The following MIA3 variants were observed in gnomAD, a reference collection of about 807,000 sequenced individuals.
The protein encoded by MIA3 is transport and Golgi organization protein 1 homolog.
Under a neutral mutation model 192.4 loss-of-function variants are expected in MIA3, and 90 were observed. That is an observed-to-expected ratio of 0.47 (90% CI 0.39 to 0.56). The LOEUF is 0.56. Among genes scored for constraint, MIA3 ranks in the 20% least tolerant of loss-of-function variants. The pLI is 0.00. For missense variants in MIA3, 2,123 were observed against 2,269.4 expected (o/e 0.94, Z 1.31); for synonymous variants, 740 against 792.8 (o/e 0.93, Z 1.12).
rs552023802 is a variant in MIA3 at position 222,630,158 on chromosome 1, C to T, written c.2938C>T (p.Arg980Cys). 2.1e-5 allele frequency: 34 copies of T among 1,614,158 alleles called. No individual in the cohort carries two copies. In the East Asian group the frequency reaches 3.6e-4, roughly 17 times the overall value. ...GGAAAAAGTCCTAGATAAGGTCTTC[C>T]GTGCTTCTGAGTCACAAATTCTGAG... is the stretch of plus-strand genomic sequence containing the variant. ...NMEKVLDKVF[R>C]ASESQILSIA... Residue 980 changes from arginine to cysteine, a missense_variant, in exon 4 of 28, where the codon CGT becomes TGT. Transcript: ENST00000344922.
At chr1:222,626,397 T>TA (rs1662121071) in intron 3 of MIA3, among the ~76,000 whole-genome samples, 1 of 152,118 alleles carries the variant, frequency 6.6e-6, no homozygotes, top group Non-Finnish European at 1.5e-5. Flanking sequence ...CCCTTAATAT[T>TA]AAAAAAATTG....
intron 7 of MIA3, 103 bp downstream of exon 7, chr1:222,645,788 G>A (rs1663110346): frequency 3.9e-6 from 4 of 1,014,390 alleles, no homozygotes; most frequent in Non-Finnish European, 5.7e-6. Flanking sequence ...AGAAATTAAT[G>A]CTTTTAATTC....
chr1:222,659,749 G>A lies in MIA3; in HGVS notation c.4822G>A (p.Ala1608Thr). ...AHENWLKARA[A>T]ERAIAEEKRE... ...TCTTCAATAGCTCAAAGCTCGTGCT[G>A]CAGAAAGAGCTATAGCTGAAGAGAA... The change falls in exon 22 of 28, where the codon GCA becomes ACA. Residue 1608 changes from alanine (A) to threonine (T), a missense_variant. This residue lies in a region of MIA3 where 762 missense variants were observed against 856.4 expected (regional missense o/e 0.89). Transcript: ENST00000344922. 2 of 1,614,090 alleles carry A rather than the reference G, an allele frequency of 1.2e-6. No individual in the cohort carries two copies. Among genetic ancestry groups the A allele is most frequent in the Non-Finnish European group, 1.7e-6 (2 of 1,179,986 alleles).
At position 222,649,113 on chromosome 1, in the gene MIA3, A is replaced by T. The variant is rs577699428; in HGVS notation, c.3631+263A>T. ...GCAGATTGACCTTAAATGTTGATGT[A>T]GTACCAATTTATTACATGTGACCAG... On this transcript the variant is annotated intron_variant, in intron 8 of 27. Coordinates refer to ENST00000344922, the MANE Select transcript of MIA3 (RefSeq NM_198551.4). 230 of 306,736 alleles carry T rather than the reference A, an allele frequency of 7.5e-4. 1 individual carries two copies. Among genetic ancestry groups the T allele is most frequent in the Middle Eastern group, 6.2e-3 (7 of 1,132 alleles). 19.0% of individuals were successfully genotyped at this position (306,736 alleles called of 1,614,324 possible). A position where few individuals can be genotyped will look rare whatever the true frequency, so the allele number is the denominator to read the frequency against.
rs746032142 is a variant in MIA3 at position 222,618,100 on chromosome 1, G to A, written c.-11G>A. 1.1e-5 allele frequency: 16 copies of A among 1,454,404 alleles called. No homozygotes were observed. Among genetic ancestry groups the A allele is most frequent in the South Asian group, 1.3e-5 (1 of 77,184 alleles). 90.1% of individuals were successfully genotyped at this position (1,454,404 alleles called of 1,614,324 possible). A position where few individuals can be genotyped will look rare whatever the true frequency, so the allele number is the denominator to read the frequency against. On this transcript the variant is annotated 5_prime_UTR_variant, in exon 1 of 28. The change creates a new upstream start codon in the 5' untranslated region. Coordinates refer to ENST00000344922, the MANE Select transcript of MIA3 (RefSeq NM_198551.4). ...TCCTCCGCGTCACCGGCTCCCCGAG[G>A]TGACCACAACATGGCTGCGGCGCCT... is the stretch of plus-strand genomic sequence containing the variant.
chr1:222,630,028 G>A lies in MIA3; in HGVS notation c.2808G>A (p.Leu936=). 6.2e-7 allele frequency: 1 copy of A among 1,614,146 alleles called. No individual in the cohort carries two copies. The highest frequency in any genetic ancestry group is 2.2e-5 in the East Asian group (1 of 44,888). Residue 936 remains leucine, a synonymous_variant, in exon 4 of 28, where the codon TTG becomes TTA. Coordinates refer to ENST00000344922, the MANE Select transcript of MIA3 (RefSeq NM_198551.4). The part of the protein sequence containing the change: ...ISSFFKEQQS[L]QRFQKYFNVH... ...GCTTCTTTAAAGAACAACAGTCTTT[G>A]CAGCGGTTCCAGAAGTACTTTAATG...
rs1664340878 is a variant in MIA3, at chr1:222,667,470, A to G, written c.*1851A>G. ...ATGCCATCTAGGAAGGTAAGTAGGA[A>G]AGGTAAATTAAATCTATTTTTAAAA... On this transcript the variant is annotated 3_prime_UTR_variant, in exon 28 of 28. Coordinates refer to ENST00000344922, the MANE Select transcript of MIA3 (RefSeq NM_198551.4). The G allele has an allele frequency of 2.6e-5, 4 of 152,212 alleles. No homozygotes were observed. In the South Asian group the frequency reaches 6.2e-4, roughly 24 times the overall value. The allele number at this position is 152,212 out of a possible 1,614,324, so 9.4% of individuals were successfully genotyped here. A position where few individuals can be genotyped will look rare whatever the true frequency, so the allele number is the denominator to read the frequency against.
intron 15 of MIA3, among the ~76,000 whole-genome samples, chr1:222,654,032 C>T (rs1663576276): frequency 6.6e-6 from 1 of 152,188 alleles, no homozygotes; most frequent in Non-Finnish European, 1.5e-5. Context: ...TCAATAATGG[C>T]ATGTATAACA....
Position 222,624,787 on chromosome 1 carries a change from A to AT in MIA3, c.291dup (p.Pro98SerfsTer10). The AT allele has an allele frequency of 6.3e-7, 1 of 1,586,934 alleles. No individual in the cohort carries two copies. Among genetic ancestry groups the AT allele is most frequent in the Non-Finnish European group, 8.6e-7 (1 of 1,156,410 alleles). ...GTGTAGGTTGGACGCACTTTTGGAT[A>AT]TTTTCCAAAAGATTTAATCCAGGTA... On this transcript the variant is annotated frameshift_variant, in exon 3 of 28. Transcript: ENST00000344922. LOFTEE classifies it high-confidence loss of function.
At chr1:222,644,283 C>A in intron 6 of MIA3, 1 of 1,396,666 alleles carries the variant, frequency 7.2e-7, no homozygotes. Context: ...CCTTGAGGTG[C>A]GCCAGGGGCA....
In MIA3 at chr1:222,627,986, A is replaced by C. The variant is rs761891445; in HGVS notation, c.766A>C (p.Asn256His). Reference sequence around the variant, plus strand: ...AACCAGCAATAGTTCTCAGGTCTCAAATGAACAGGATAAGATTGATGCCTA... The same window carrying C: ...AACCAGCAATAGTTCTCAGGTCTCACATGAACAGGATAAGATTGATGCCTA... ...NKTSNSSQVS[N>H]EQDKIDAYKL... The change falls in exon 4 of 28, where the codon AAT (asparagine) becomes CAT (histidine). Residue 256 changes from asparagine (N) to histidine (H), a missense_variant. Asn to His is a moderately conservative substitution (Grantham distance 68). This residue lies in a region of MIA3 where 1,357 missense variants were observed against 1,396.1 expected (regional missense o/e 0.97). Transcript: ENST00000344922. 1 of 1,614,032 alleles carries C rather than the reference A, an allele frequency of 6.2e-7. No homozygotes were observed. The highest frequency in any genetic ancestry group is 8.5e-7 in the Non-Finnish European group (1 of 1,180,034).
chr1:222,635,234 G>A (rs1482559769), intron 6 of MIA3, among the ~76,000 whole-genome samples: 6 of 152,216 alleles, frequency 3.9e-5, no homozygotes, highest in Admixed American at 2.0e-4. Flanking sequence ...TTGGTTTTCA[G>A]AGTGAAATTA....
rs1157987162 is a variant in MIA3, at chr1:222,650,372, G to A, written c.3712G>A (p.Glu1238Lys). ...TELVQKLSNY[E>K]QKIKESKKHV... ...ACTTGTACAAAAATTGTCAAATTAT[G>A]AACAGAAGGTATGATTATTCTTTGT... The change falls in exon 9 of 28, where the codon GAA (glutamate) becomes AAA (lysine). Residue 1238 changes from glutamate (E) to lysine (K), a missense_variant. Physicochemically the swap from Glu to Lys is moderately conservative, Grantham distance 56 (BLOSUM62 1). Around this residue, in one of 3 missense-constraint regions of MIA3, gnomAD observed 762 missense variants for 856.4 expected, o/e 0.89. Transcript: ENST00000344922. 2.0e-6 allele frequency: 3 copies of A among 1,521,420 alleles called. No homozygotes were observed. Among genetic ancestry groups the A allele is most frequent in the Non-Finnish European group, 2.7e-6 (3 of 1,103,918 alleles). 94.2% of individuals were successfully genotyped at this position (1,521,420 alleles called of 1,614,324 possible).
chr1:222,658,966 A>G (rs1004159661), intron 19 of MIA3, 143 bp downstream of exon 19: 6 of 574,242 alleles, frequency 1.0e-5, no homozygotes, highest in Admixed American at 3.7e-5. Context: ...TAAGTTAACA[A>G]ATGGAAAAAT....
intron 23 of MIA3, 34 bp from the exon 24 acceptor site, chr1:222,660,143 T>C (rs1440806690): frequency 6.2e-7 from 1 of 1,603,874 alleles, no homozygotes; most frequent in Non-Finnish European, 8.5e-7. Context: ...AAAAAGGCTG[T>C]CTTAAAATGC....
rs1362776156 is a variant in MIA3 at position 222,618,097 on chromosome 1, G to C, written c.-14G>C. 20 of 1,290,276 alleles carry C rather than the reference G, an allele frequency of 1.6e-5. No homozygotes were observed. The highest frequency in any genetic ancestry group is 1.8e-5 in the Non-Finnish European group (18 of 1,000,768). 79.9% of individuals were successfully genotyped at this position (1,290,276 alleles called of 1,614,324 possible). A position where few individuals can be genotyped will look rare whatever the true frequency, so the allele number is the denominator to read the frequency against. ...TCCTCCTCCGCGTCACCGGCTCCCC[G>C]AGGTGACCACAACATGGCTGCGGCG... On this transcript the variant is annotated 5_prime_UTR_variant, in exon 1 of 28. Coordinates refer to ENST00000344922, the MANE Select transcript of MIA3 (RefSeq NM_198551.4).
At chr1:222,663,206 A>C (rs919735394) in intron 26 of MIA3, among the ~76,000 whole-genome samples, 2 of 152,214 alleles carry the variant, frequency 1.3e-5, no homozygotes, top group Non-Finnish European at 2.9e-5. Flanking sequence ...ATTTGTGTAC[A>C]TAACATTGTT....
intron 27 of MIA3, among the ~76,000 whole-genome samples, chr1:222,664,694 C>T (rs1451472342): frequency 6.6e-6 from 1 of 152,116 alleles, no homozygotes; most frequent in African/African-American, 2.4e-5. Context: ...AAGCCTTTTC[C>T]AGCAGGGCAA....
intron 18 of MIA3, 133 bp from the exon 19 acceptor site, chr1:222,658,589 T>C: frequency 1.6e-6 from 1 of 635,624 alleles, no homozygotes; most frequent in South Asian, 2.3e-5. Flanking sequence ...GACAGTTTTA[T>C]TTCCTTCCTG....
Sources: gnomAD v4.1 joint callset for allele counts (sites outside exome capture counted in the v4.1 genomes callset) on GRCh38, gnomAD v4.1.1 for gene constraint, gnomAD v4.1.1 regional missense constraint, MANE v1.5 for transcripts, NCBI Gene and HGNC (gene_info 2026-07-23, HGNC 2026-07-21) for gene names.